The following SEMA5A variants were observed in gnomAD, a reference collection of about 807,000 sequenced individuals.
SEMA5A encodes semaphorin 5A.
Under a neutral mutation model 135.5 loss-of-function variants are expected in SEMA5A, and 55 were observed. That is an observed-to-expected ratio of 0.41 (90% CI 0.33 to 0.51). The LOEUF is 0.51. SEMA5A is among the 20% of genes least tolerant of loss of function. SEMA5A has a pLI of 0.37. For missense variants in SEMA5A, 1,290 were observed against 1,419.9 expected, an observed-to-expected ratio of 0.91 and a Z score of 1.47; for synonymous variants, 580 against 546.5, an observed-to-expected ratio of 1.06 and a Z score of -0.85.
At chr5:9,244,851 C>G (rs1561065422) in intron 5 of SEMA5A, among the ~76,000 whole-genome samples, 1 of 152,156 alleles carries the variant, frequency 6.6e-6, no homozygotes, top group Non-Finnish European at 1.5e-5. Flanking sequence ...AAACATCCCA[C>G]AAGAATTTCT....
chr5:9,067,205 G>A (rs1737525924), intron 16 of SEMA5A, among the ~76,000 whole-genome samples: 1 of 152,132 alleles, frequency 6.6e-6, no homozygotes, highest in Non-Finnish European at 1.5e-5. Context: ...TCTCCTGAGA[G>A]TACACTAAAA....
At chr5:9,319,122 T>C (rs1284654215) in intron 4 of SEMA5A, among the ~76,000 whole-genome samples, 1 of 152,172 alleles carries the variant, frequency 6.6e-6, no homozygotes, top group Non-Finnish European at 1.5e-5. Flanking sequence ...GAGGATGCTT[T>C]GGTCCTGGGA....
At chr5:9,043,717 T>G (rs1736087128) in intron 22 of SEMA5A, among the ~76,000 whole-genome samples, 1 of 152,252 alleles carries the variant, frequency 6.6e-6, no homozygotes, top group Non-Finnish European at 1.5e-5. Context: ...CGTTAAAGAC[T>G]GGACAGCTGT....
At chr5:9,225,062 T>C (rs1174089986) in intron 7 of SEMA5A, among the ~76,000 whole-genome samples, 175 bp from the exon 8 acceptor site, 11 of 152,152 alleles carry the variant, frequency 7.2e-5, no homozygotes, top group African/African-American at 2.2e-4. Context: ...ACTCTGCTCA[T>C]GGTAAGACAG....
chr5:9,199,535 A>G (rs902337052), intron 9 of SEMA5A, among the ~76,000 whole-genome samples: 1 of 152,226 alleles, frequency 6.6e-6, no homozygotes. Context: ...CATGACCTTG[A>G]GAATGAGAAG....
chr5:9,540,897 A>G (rs535432303), intron 1 of SEMA5A, among the ~76,000 whole-genome samples: 1 of 152,270 alleles, frequency 6.6e-6, no homozygotes, highest in Admixed American at 6.5e-5. Flanking sequence ...TTTGTGTGGA[A>G]TTTTATTTGA....
chr5:9,187,421 T>C (rs1455684331), intron 11 of SEMA5A, among the ~76,000 whole-genome samples: 3 of 152,164 alleles, frequency 2.0e-5, no homozygotes, highest in Non-Finnish European at 4.4e-5. Flanking sequence ...GGAATTCACT[T>C]TTCAGTAGAA....
At chr5:9,291,189 G>C (rs1272660733) in intron 5 of SEMA5A, among the ~76,000 whole-genome samples, 1 of 152,168 alleles carries the variant, frequency 6.6e-6, no homozygotes, top group African/African-American at 2.4e-5. Context: ...GGCCACTGGA[G>C]TCAGAATCAA....
intron 3 of SEMA5A, among the ~76,000 whole-genome samples, chr5:9,376,949 G>A (rs936430462): frequency 2.0e-5 from 3 of 151,960 alleles, no homozygotes; most frequent in African/African-American, 7.3e-5. Context: ...CTCTTTCAAC[G>A]GTACACTTGC....
At chr5:9,321,298 G>C (rs185893926) in intron 4 of SEMA5A, among the ~76,000 whole-genome samples, 1 of 152,138 alleles carries the variant, frequency 6.6e-6, no homozygotes, top group Non-Finnish European at 1.5e-5. Context: ...TTTCTTTATA[G>C]TAGTGTGAGA....
At chr5:9,053,849 C>A in intron 19 of SEMA5A, 1 of 413,480 alleles carries the variant, frequency 2.4e-6, no homozygotes, top group East Asian at 3.8e-5. Context: ...GCCTTTAGCA[C>A]TCTCCCATTG....
intron 16 of SEMA5A, 117 bp downstream of exon 16, chr5:9,108,005 TTGTGCAGAGCCTCTAGTG>T (rs1166317310): frequency 6.2e-6 from 7 of 1,133,136 alleles, no homozygotes; most frequent in African/African-American, 1.6e-5. Context: ...TGTACCAAAT[TTGTGCAGAGCCTCTAGTG>T]TGTGCAGAAC....
At chr5:9,341,860 T>C (rs1032876413) in intron 3 of SEMA5A, among the ~76,000 whole-genome samples, 4 of 151,790 alleles carry the variant, frequency 2.6e-5, no homozygotes, top group Non-Finnish European at 5.9e-5. Context: ...ATTACATTCA[T>C]TGATTCTTAG....
intron 12 of SEMA5A, among the ~76,000 whole-genome samples, chr5:9,140,961 G>A (rs1202976482): frequency 6.6e-6 from 1 of 152,208 alleles, no homozygotes; most frequent in Non-Finnish European, 1.5e-5. Flanking sequence ...GCTGTTTTAA[G>A]TGGAAAGCTG....
intron 6 of SEMA5A, among the ~76,000 whole-genome samples, chr5:9,232,162 G>C (rs1579672665): frequency 6.6e-6 from 1 of 152,092 alleles, no homozygotes; most frequent in Non-Finnish European, 1.5e-5. Context: ...TGAATTAATT[G>C]GTTTTGTCAT....
intron 5 of SEMA5A, among the ~76,000 whole-genome samples, chr5:9,294,479 C>A (rs903659302): frequency 2.0e-5 from 3 of 152,214 alleles, no homozygotes; most frequent in African/African-American, 7.2e-5. Context: ...CTGCTCCTCA[C>A]ACAAATATGG....
At chr5:9,402,282 AG>A (rs1350661394) in intron 2 of SEMA5A, among the ~76,000 whole-genome samples, 8 of 152,328 alleles carry the variant, frequency 5.3e-5, no homozygotes, top group African/African-American at 1.4e-4. Context: ...CTCTTGCAAA[AG>A]TGGAGTGTCT....
intron 16 of SEMA5A, among the ~76,000 whole-genome samples, chr5:9,091,196 G>A (rs79065199): frequency 0.071 from 10,839 of 152,162 alleles, 441 homozygotes; most frequent in South Asian, 0.16. Context: ...AAGGAACCAA[G>A]TCTACTTAGA....
intron 16 of SEMA5A, among the ~76,000 whole-genome samples, chr5:9,087,053 A>T (rs1350456413): frequency 6.6e-6 from 1 of 152,210 alleles, no homozygotes; most frequent in Non-Finnish European, 1.5e-5. Flanking sequence ...AATCTGAAAG[A>T]TAGACGACTA....
Sources: gnomAD v4.1 joint callset for allele counts (sites outside exome capture counted in the v4.1 genomes callset) on GRCh38, gnomAD v4.1.1 for gene constraint, MANE v1.5 for transcripts, NCBI Gene and HGNC (gene_info 2026-07-23, HGNC 2026-07-21) for gene names.